The following ABHD17C variants were observed in gnomAD, a reference collection of about 807,000 sequenced individuals.
ABHD17C encodes alpha/beta hydrolase domain-containing protein 17C.
ABHD17C carries 11 observed loss-of-function variants against 27.9 expected under a neutral mutation model. The observed-to-expected ratio is 0.39, with a 90% CI of 0.25 to 0.65. The LOEUF is 0.65. Ranked by LOEUF, ABHD17C falls within the 30% of genes least tolerant of loss-of-function variation. ABHD17C has a pLI of 0.45. For missense variants in ABHD17C, 280 were observed against 470.2 expected (o/e 0.60, Z 3.74); for synonymous variants, 233 against 209.1 (o/e 1.11, Z -0.98).
intron 2 of ABHD17C, among the ~76,000 whole-genome samples, chr15:80,751,482 C>T (rs769396151): frequency 2.0e-5 from 3 of 152,156 alleles, no homozygotes; most frequent in Non-Finnish European, 4.4e-5. Flanking sequence ...TGGCTTACAC[C>T]TGTAATGCCA....
At chr15:80,708,521 T>C (rs28540153) in intron 1 of ABHD17C, among the ~76,000 whole-genome samples, 33,957 of 152,144 alleles carry the variant, frequency 0.22, 5,342 homozygotes, top group African/African-American at 0.45. Context: ...TTCGCCATGT[T>C]GGCCAGACTG....
At chr15:80,707,534 A>C (rs139830288) in intron 1 of ABHD17C, among the ~76,000 whole-genome samples, 65 of 152,166 alleles carry the variant, frequency 4.3e-4, no homozygotes, top group Non-Finnish European at 7.6e-4. Context: ...CACACATGAA[A>C]TATACTAATA....
chr15:80,717,830 G>T (rs1894829121), intron 1 of ABHD17C, among the ~76,000 whole-genome samples: 1 of 152,120 alleles, frequency 6.6e-6, no homozygotes, highest in Non-Finnish European at 1.5e-5. Context: ...GGTTCCTGGG[G>T]AGCTTAAGAT....
At chr15:80,720,061 A>G (rs1283133361) in intron 1 of ABHD17C, among the ~76,000 whole-genome samples, 1 of 152,090 alleles carries the variant, frequency 6.6e-6, no homozygotes, top group Non-Finnish European at 1.5e-5. Context: ...TAGCCTCCCA[A>G]AGTGCTGAGA....
rs1895401960 is a variant in ABHD17C, at chr15:80,754,132, C to T, written c.771-19C>T. On this transcript the variant is annotated intron_variant, in intron 2 of 2. Coordinates refer to ENST00000258884, the MANE Select transcript of ABHD17C (RefSeq NM_021214.2). ...ACTAATGGAGTCCTCTTTCTGCCTC[C>T]CCCCTTTCTGTTTTGCAGCATTGAC... The T allele has an allele frequency of 6.3e-7, 1 of 1,595,154 alleles. No individual in the cohort carries two copies. The highest frequency in any genetic ancestry group is 8.6e-7 in the Non-Finnish European group (1 of 1,163,042).
chr15:80,698,742 T>G (rs67946671), intron 1 of ABHD17C, among the ~76,000 whole-genome samples: 32,177 of 152,240 alleles, frequency 0.21, 3,636 homozygotes, highest in South Asian at 0.31. Context: ...GCTTAATTCA[T>G]GTCAGTGCCA....
chr15:80,736,945 G>T (rs960803423), intron 1 of ABHD17C, among the ~76,000 whole-genome samples: 4 of 152,178 alleles, frequency 2.6e-5, no homozygotes, highest in Non-Finnish European at 4.4e-5. Flanking sequence ...AGCCTCCATT[G>T]CAGGAACTTC....
At chr15:80,696,155 C>A in intron 1 of ABHD17C, 136 bp downstream of exon 1, 1 of 956,626 alleles carries the variant, frequency 1.0e-6, no homozygotes, top group Non-Finnish European at 1.5e-6. Context: ...AGCCCCTTGG[C>A]CGCCGTAAAT....
chr15:80,730,442 A>C (rs1263440666), intron 1 of ABHD17C, among the ~76,000 whole-genome samples: 1 of 152,224 alleles, frequency 6.6e-6, no homozygotes, highest in Non-Finnish European at 1.5e-5. Context: ...ATGTTGTCAT[A>C]GTCTGAATTT....
intron 1 of ABHD17C, among the ~76,000 whole-genome samples, chr15:80,727,232 G>A (rs193087331): frequency 2.9e-4 from 44 of 152,296 alleles, no homozygotes; most frequent in Non-Finnish European, 6.0e-4. Flanking sequence ...GATCTGAATC[G>A]TCTAGGGTCA....
At chr15:80,723,138 ATGTGTG>A (rs57751486) in intron 1 of ABHD17C, among the ~76,000 whole-genome samples, 16 of 125,026 alleles carry the variant, frequency 1.3e-4, no homozygotes, top group South Asian at 2.6e-4. Flanking sequence ...GTGTGTATAT[ATGTGTG>A]TGTGTGTGTG....
intron 1 of ABHD17C, among the ~76,000 whole-genome samples, chr15:80,729,501 G>A (rs1273009073): frequency 1.3e-5 from 2 of 152,100 alleles, no homozygotes; most frequent in African/African-American, 4.8e-5. Flanking sequence ...GTTATGGAAA[G>A]CATTTGTTAA....
intron 1 of ABHD17C, among the ~76,000 whole-genome samples, chr15:80,721,066 AC>A (rs1894891328): frequency 1.3e-5 from 2 of 151,952 alleles, no homozygotes; most frequent in Non-Finnish European, 2.9e-5. Flanking sequence ...GTCTTTTATT[AC>A]AACTTCTATT....
At chr15:80,754,024 A>G (rs1442497558) in intron 2 of ABHD17C, 127 bp from the exon 3 acceptor site, 2 of 777,560 alleles carry the variant, frequency 2.6e-6, no homozygotes, top group East Asian at 5.4e-5. Flanking sequence ...CAAAACAAAC[A>G]AAAAAAACCC....
chr15:80,716,218 G>T (rs575610522), intron 1 of ABHD17C, among the ~76,000 whole-genome samples: 178 of 152,254 alleles, frequency 1.2e-3, no homozygotes, highest in Non-Finnish European at 1.9e-3. Context: ...ATTGCAGGTG[G>T]CTTCCTGGAG....
At chr15:80,720,291 T>C (rs1242352815) in intron 1 of ABHD17C, among the ~76,000 whole-genome samples, 1 of 151,960 alleles carries the variant, frequency 6.6e-6, no homozygotes, top group Non-Finnish European at 1.5e-5. Flanking sequence ...TCCCCTTTCT[T>C]GGTGGGCCCC....
intron 1 of ABHD17C, among the ~76,000 whole-genome samples, chr15:80,715,032 C>T (rs978323639): frequency 5.3e-5 from 8 of 152,162 alleles, no homozygotes; most frequent in African/African-American, 7.2e-5. Flanking sequence ...CCGCCCACCT[C>T]GGCCTCCCAA....
At position 80,754,905 on chromosome 15, in the gene ABHD17C, T is replaced by C. The variant is rs1895413586; in HGVS notation, c.*535T>C. On this transcript the variant is annotated 3_prime_UTR_variant, in exon 3 of 3. Coordinates refer to ENST00000258884, the MANE Select transcript of ABHD17C (RefSeq NM_021214.2). ...GAACTGAAGGGTAATTTACTGGAAC[T>C]CTCGTGTACAGCTTCATCAACTGTA... The C allele has an allele frequency of 6.5e-6, 1 of 152,840 alleles. No individual in the cohort carries two copies. The allele number at this position is 152,840 out of a possible 1,614,324, so 9.5% of individuals were successfully genotyped here.
chr15:80,713,204 G>A (rs987642253), intron 1 of ABHD17C, among the ~76,000 whole-genome samples: 9 of 152,022 alleles, frequency 5.9e-5, no homozygotes, highest in African/African-American at 2.2e-4. Context: ...TGATGAGCCA[G>A]CCACAGAGCC....
Sources: gnomAD v4.1 joint callset for allele counts (sites outside exome capture counted in the v4.1 genomes callset) on GRCh38, gnomAD v4.1.1 for gene constraint, MANE v1.5 for transcripts, NCBI Gene and HGNC (gene_info 2026-07-23, HGNC 2026-07-21) for gene names.